ETFB: variants seen among roughly 807,000 people sequenced by gnomAD.
ETFB encodes electron transfer flavoprotein subunit beta, also known as beta-ETF.
A neutral mutation model predicts 25.6 loss-of-function variants in ETFB; 20 were observed. The ratio of observed to expected loss-of-function variants is 0.78; its 90% confidence interval spans 0.55 to 1.14. ETFB has a LOEUF of 1.14. ETFB is among the 50% of genes most tolerant of loss of function. The pLI, the probability that ETFB is intolerant of heterozygous loss-of-function variation, is 0.00. For missense variants in ETFB, 286 were observed against 342.6 expected (o/e 0.83, Z 1.30); for synonymous variants, 142 against 146.7 (o/e 0.97, Z 0.23).
In ETFB at chr19:51,353,280, C is replaced by T. The variant is rs148567433; in HGVS notation, c.227G>A (p.Arg76His). ...GTCTGCACCCATGGCCAGGGCGGTA[C>T]GAATCGTCTCCTGCCAAGGACAGAG... is the stretch of plus-strand genomic sequence containing the variant. ...CGPAQCQETI[R>H]TALAMGADRG... The change falls in exon 3 of 6, where the codon CGT becomes CAT. Residue 76 changes from arginine (R) to histidine (H), a missense_variant. Arg to His is a conservative substitution (Grantham distance 29). Transcript: ENST00000309244. The T allele has an allele frequency of 1.3e-4, 216 of 1,613,692 alleles. No homozygotes were observed. Among genetic ancestry groups the T allele is most frequent in the Non-Finnish European group, 1.6e-4 (185 of 1,179,862 alleles).
At chr19:51,358,548 C>T (rs1467306030) in intron 1 of ETFB, among the ~76,000 whole-genome samples, 1 of 152,152 alleles carries the variant, frequency 6.6e-6, no homozygotes, top group East Asian at 1.9e-4. Flanking sequence ...CCTGTAATCC[C>T]AGCACTTTGG....
intron 1 of ETFB, among the ~76,000 whole-genome samples, chr19:51,363,712 G>A (rs1986284258): frequency 6.6e-6 from 1 of 152,116 alleles, no homozygotes; most frequent in South Asian, 2.1e-4. Flanking sequence ...GCCTCACAAA[G>A]TGCAGGGATT....
intron 1 of ETFB, chr19:51,354,703 AG>A: frequency 6.3e-7 from 1 of 1,591,582 alleles, no homozygotes; most frequent in South Asian, 1.1e-5. Context: ...AATGAGGAGA[AG>A]AAAAGGAAAA....
intron 1 of ETFB, 116 bp downstream of exon 1, chr19:51,366,154 G>A: frequency 9.7e-7 from 1 of 1,026,204 alleles, no homozygotes; most frequent in Admixed American, 1.9e-5. Context: ...TGACGTTTGG[G>A]GGTTAAAGCG....
chr19:51,366,194 C>T, intron 1 of ETFB, 76 bp downstream of exon 1: 1 of 1,429,418 alleles, frequency 7.0e-7, no homozygotes, highest in Non-Finnish European at 9.9e-7. Flanking sequence ...AGAAGACCCC[C>T]ACCCAGTGTG....
At chr19:51,354,879 C>T in intron 1 of ETFB, 1 of 497,726 alleles carries the variant, frequency 2.0e-6, no homozygotes, top group Non-Finnish European at 3.6e-6. Flanking sequence ...GTTCCCTCCC[C>T]TTTTCAGGCA....
At chr19:51,355,168 G>A in intron 1 of ETFB, 1 of 155,588 alleles carries the variant, frequency 6.4e-6, no homozygotes, top group Admixed American at 6.2e-5. Flanking sequence ...CTACAGAATG[G>A]GAGAAAATTT....
chr19:51,355,090 A>G (rs1986045987), intron 1 of ETFB: 1 of 170,206 alleles, frequency 5.9e-6, no homozygotes, highest in African/African-American at 2.4e-5. Context: ...GGAGTTTCTT[A>G]TAAAAGCTTT....
At chr19:51,350,287 G>A (rs373963951) in intron 4 of ETFB, 42 bp downstream of exon 4, 1 of 1,592,430 alleles carries the variant, frequency 6.3e-7, no homozygotes, top group Non-Finnish European at 8.6e-7. Flanking sequence ...TTTGAGGGAT[G>A]AGGGCCTGGC....
At chr19:51,346,632 G>T (rs1335998152) in intron 5 of ETFB, 1 of 464,026 alleles carries the variant, frequency 2.2e-6, no homozygotes, top group African/African-American at 2.0e-5. Context: ...ATGACAAAGG[G>T]AACACCTTCT....
In ETFB at chr19:51,349,652, C is replaced by T. The variant is rs544654435; in HGVS notation, c.438+677G>A. On this transcript the variant is annotated intron_variant, in intron 4 of 5. Coordinates refer to ENST00000309244, the MANE Select transcript of ETFB (RefSeq NM_001985.3). ...TAGAGATGGGGTCTAACTATGTTGC[C>T]AAGGCTGGTCTCGAACTCCTGGGCT... Among the ~76,000 whole-genome samples the T allele has an allele frequency of 9.8e-4, 149 of 151,956 alleles. 1 individual carries two copies. The highest frequency in any genetic ancestry group is 3.5e-3 in the African/African-American group (145 of 41,472).
Position 51,362,676 on chromosome 19 carries a change from T to C in ETFB, c.57+3594A>G, listed in dbSNP as rs28705154. 5.9e-3 allele frequency among the ~76,000 whole-genome samples: 894 copies of C among 152,308 alleles called. 8 individuals carry two copies. Among genetic ancestry groups the C allele is most frequent in the African/African-American group, 0.02 (844 of 41,570 alleles). On this transcript the variant is annotated intron_variant, in intron 1 of 5. Transcript: ENST00000309244. The stretch of plus-strand genomic sequence containing the variant: ...AAAGTAGATAGTACCATCATCCCCA[T>C]TGTACAGAGTAGAAAAATGAGGCTT...
Position 51,354,155 on chromosome 19 carries a change from A to C in ETFB, c.211T>G (p.Cys71Gly), listed in dbSNP as rs1986010377. 1.2e-6 allele frequency: 2 copies of C among 1,613,814 alleles called. No homozygotes were observed. The highest frequency in any genetic ancestry group is 1.7e-4 in the Middle Eastern group (1 of 6,028). The stretch of plus-strand genomic sequence containing the variant: ...CTCCCCAAGACCTTCATCACCTGGC[A>C]CTGTGCAGGCCCACAGCTGACGGCG... ...VIAVSCGPAQ[C>G]QETIRTALAM... The change falls in exon 2 of 6, where the codon TGC (cysteine) becomes GGC (glycine). Residue 71 changes from cysteine to glycine, a missense_variant. By Grantham distance (159) the Cys-to-Gly change is radical. Coordinates refer to ENST00000309244, the MANE Select transcript of ETFB (RefSeq NM_001985.3).
At chr19:51,366,247 G>T (rs761369109) in intron 1 of ETFB, 23 bp downstream of exon 1, 3 of 1,612,382 alleles carry the variant, frequency 1.9e-6, no homozygotes, top group Non-Finnish European at 2.5e-6. Flanking sequence ...ACTCAGGGAT[G>T]TGGGAGAGGG....
chr19:51,347,618 C>T (rs1184916656), intron 4 of ETFB: 2 of 155,182 alleles, frequency 1.3e-5, no homozygotes, highest in Non-Finnish European at 2.9e-5. Context: ...GGTCCCTTTG[C>T]CTCTCAGTCC....
At chr19:51,352,162 A>G (rs1278190631) in intron 3 of ETFB, among the ~76,000 whole-genome samples, 1 of 151,754 alleles carries the variant, frequency 6.6e-6, no homozygotes, top group African/African-American at 2.4e-5. Context: ...ACCCAGCCCT[A>G]ACCTCCTTCC....
chr19:51,354,733 T>A, intron 1 of ETFB: 1 of 1,454,976 alleles, frequency 6.9e-7, no homozygotes, highest in Non-Finnish European at 9.4e-7. Context: ...GGTAGACAGT[T>A]AAGGGTGGTC....
At chr19:51,351,363 G>A (rs913989482) in intron 3 of ETFB, among the ~76,000 whole-genome samples, 1 of 152,238 alleles carries the variant, frequency 6.6e-6, no homozygotes. Flanking sequence ...ATGTGACCCT[G>A]GATCAAGCTG....
At chr19:51,352,330 C>T (rs1364838047) in intron 3 of ETFB, among the ~76,000 whole-genome samples, 1 of 152,168 alleles carries the variant, frequency 6.6e-6, no homozygotes, top group Non-Finnish European at 1.5e-5. Flanking sequence ...CAAGCCCAGG[C>T]CTGTCTCCTG....
Sources: gnomAD v4.1 joint callset for allele counts (sites outside exome capture counted in the v4.1 genomes callset) on GRCh38, gnomAD v4.1.1 for gene constraint, MANE v1.5 for transcripts, NCBI Gene and HGNC (gene_info 2026-07-23, HGNC 2026-07-21) for gene names.